Variants in DTWD2 observed in about 807,000 individuals in gnomAD.
DTWD2 encodes tRNA-uridine aminocarboxypropyltransferase 2.
In DTWD2, 39 loss-of-function variants were observed where a neutral mutation model predicts 31.8. The observed-to-expected ratio is 1.22, with a 90% CI of 0.95 to 1.60. The LOEUF (loss-of-function observed/expected upper bound fraction) is 1.60. Among genes scored for constraint, DTWD2 ranks in the 40% most tolerant of loss-of-function variants. DTWD2 has a pLI of 0.00. For missense variants in DTWD2, 515 were observed against 381.5 expected, an observed-to-expected ratio of 1.35 and a Z score of -2.92; for synonymous variants, 180 against 142.8, an observed-to-expected ratio of 1.26 and a Z score of -1.86.
chr5:118,875,566 A>G (rs1369102929), intron 4 of DTWD2, among the ~76,000 whole-genome samples: 30 of 126,266 alleles, frequency 2.4e-4, no homozygotes, highest in African/African-American at 1.1e-3. Context: ...AGTTTCTGAA[A>G]AAAAAAAAAA....
chr5:118,867,835 T>A (rs1752410754), intron 4 of DTWD2, among the ~76,000 whole-genome samples: 2 of 152,164 alleles, frequency 1.3e-5, no homozygotes, highest in Non-Finnish European at 2.9e-5. Context: ...TGTTAAAATG[T>A]CAATACTACC....
At chr5:118,879,377 T>C (rs1290135473) in intron 4 of DTWD2, among the ~76,000 whole-genome samples, 1 of 151,982 alleles carries the variant, frequency 6.6e-6, no homozygotes, top group Non-Finnish European at 1.5e-5. Flanking sequence ...GAGGCTGATA[T>C]TGGGCCTTTG....
chr5:118,846,098 TTTG>T (rs1416876490), intron 5 of DTWD2, among the ~76,000 whole-genome samples: 1 of 152,186 alleles, frequency 6.6e-6, no homozygotes, highest in African/African-American at 2.4e-5. Context: ...ACTCTAATAC[TTTG>T]TTGAGTCTAG....
intron 4 of DTWD2, among the ~76,000 whole-genome samples, chr5:118,903,726 T>G (rs1207077788): frequency 6.6e-6 from 1 of 151,790 alleles, no homozygotes; most frequent in Non-Finnish European, 1.5e-5. Context: ...CCATTAAAAA[T>G]AAAATTGAAT....
At chr5:118,870,341 T>C (rs560232427) in intron 4 of DTWD2, among the ~76,000 whole-genome samples, 2 of 152,322 alleles carry the variant, frequency 1.3e-5, no homozygotes, top group Admixed American at 1.3e-4. Context: ...TAAACTACTG[T>C]ACAATCATTC....
intron 4 of DTWD2, among the ~76,000 whole-genome samples, chr5:118,914,034 A>G (rs1466502044): frequency 2.6e-5 from 4 of 152,168 alleles, no homozygotes; most frequent in East Asian, 1.9e-4. Flanking sequence ...TTTTATGTTT[A>G]TGATTTTGTC....
At chr5:118,887,336 T>C (rs993734132) in intron 4 of DTWD2, among the ~76,000 whole-genome samples, 2 of 152,182 alleles carry the variant, frequency 1.3e-5, no homozygotes, top group Non-Finnish European at 2.9e-5. Flanking sequence ...AACTGACATT[T>C]GTTCTAGATA....
In DTWD2 at chr5:118,935,589, T is replaced by C. The variant is rs563583203; in HGVS notation, c.404+3607A>G. Among the ~76,000 whole-genome samples the C allele has an allele frequency of 1.9e-3, 283 of 152,328 alleles. No homozygotes were observed. In the Middle Eastern group the frequency reaches 0.02, roughly 11 times the overall value. ...ATTTGGGGGTCTCGGAAGTTTTCTG[T>C]GTTGAAGTTTGTGGTGTTGACACCA... On this transcript the variant is annotated intron_variant, in intron 3 of 5. Coordinates refer to ENST00000510708, the MANE Select transcript of DTWD2 (RefSeq NM_173666.4).
chr5:118,843,893 C>G (rs1040131193), intron 5 of DTWD2, among the ~76,000 whole-genome samples: 1 of 152,186 alleles, frequency 6.6e-6, no homozygotes, highest in African/African-American at 2.4e-5. Flanking sequence ...AATTTAGGCA[C>G]AGCCATATAA....
chr5:118,869,216 T>C (rs942572647), intron 4 of DTWD2, among the ~76,000 whole-genome samples: 1 of 152,160 alleles, frequency 6.6e-6, no homozygotes, highest in Admixed American at 6.6e-5. Context: ...ATTTTATATG[T>C]GTATTTTACC....
intron 4 of DTWD2, among the ~76,000 whole-genome samples, chr5:118,872,983 C>A (rs928653225): frequency 6.6e-6 from 1 of 152,080 alleles, no homozygotes; most frequent in Non-Finnish European, 1.5e-5. Flanking sequence ...AGGAGAAAGA[C>A]AGGAACACTG....
At chr5:118,967,152 G>A (rs141522154) in intron 1 of DTWD2, among the ~76,000 whole-genome samples, 1 of 148,902 alleles carries the variant, frequency 6.7e-6, no homozygotes, top group African/African-American at 2.5e-5. Flanking sequence ...AATCAAACAT[G>A]TTGCAGATAA....
chr5:118,864,661 T>C (rs962741582), intron 4 of DTWD2, among the ~76,000 whole-genome samples: 3 of 149,878 alleles, frequency 2.0e-5, no homozygotes, highest in East Asian at 1.9e-4. Context: ...TATTTTATTA[T>C]ATTATTATTA....
chr5:118,852,236 C>T (rs892522297), intron 4 of DTWD2, among the ~76,000 whole-genome samples: 3 of 152,206 alleles, frequency 2.0e-5, no homozygotes, highest in Admixed American at 6.5e-5. Context: ...CTGTTTATTT[C>T]CAAGGTGCAC....
At chr5:118,957,510 G>A (rs376347872) in intron 1 of DTWD2, among the ~76,000 whole-genome samples, 4 of 152,064 alleles carry the variant, frequency 2.6e-5, no homozygotes, top group Non-Finnish European at 5.9e-5. Flanking sequence ...GTGAGCCACC[G>A]CACCTGGCCA....
rs368193238 is a variant in DTWD2 at position 118,884,754 on chromosome 5, C to T, written c.598-36536G>A. ...GGGCGTGGTGGCTCATGCCTGTAAT[C>T]CCAGCACTTTGGGAGGCCGAGGCAG... On this transcript the variant is annotated intron_variant, in intron 4 of 5. Coordinates refer to ENST00000510708, the MANE Select transcript of DTWD2 (RefSeq NM_173666.4). 1.3e-4 allele frequency among the ~76,000 whole-genome samples: 20 copies of T among 152,070 alleles called. No individual in the cohort carries two copies. The East Asian group carries it at 2.7e-3, about 21-fold the overall frequency.
chr5:118,949,864 C>G (rs1242470100), intron 1 of DTWD2, among the ~76,000 whole-genome samples: 1 of 152,022 alleles, frequency 6.6e-6, no homozygotes, highest in Non-Finnish European at 1.5e-5. Flanking sequence ...ATGCCTAGAC[C>G]TAATAAGGGA....
intron 4 of DTWD2, among the ~76,000 whole-genome samples, chr5:118,885,453 C>A (rs1200831774): frequency 1.8e-5 from 2 of 109,066 alleles, no homozygotes; most frequent in Admixed American, 1.0e-4. Flanking sequence ...CAAGACTCCA[C>A]CTCAAAAAAA....
chr5:118,841,292 G>C (rs1751708265), intron 5 of DTWD2, among the ~76,000 whole-genome samples: 1 of 151,948 alleles, frequency 6.6e-6, no homozygotes, highest in African/African-American at 2.4e-5. Flanking sequence ...ATTACACTAA[G>C]GAATTTTATT....
Sources: allele counts gnomAD v4.1 joint callset (sites outside exome capture counted in the v4.1 genomes callset), GRCh38; gene constraint gnomAD v4.1.1; transcripts MANE v1.5; gene names NCBI Gene and HGNC (gene_info 2026-07-23, HGNC 2026-07-21).